The following IQGAP1 variants were observed in gnomAD, a reference collection of about 807,000 sequenced individuals.
The protein encoded by IQGAP1 is ras GTPase-activating-like protein IQGAP1.
In IQGAP1, 66 loss-of-function variants were observed where a neutral mutation model predicts 215.6. The observed-to-expected ratio is 0.31, with a 90% CI of 0.25 to 0.38. The LOEUF is 0.38. IQGAP1 is among the 10% of genes least tolerant of loss of function. IQGAP1 has a pLI of 1.00. For missense variants in IQGAP1, 1,712 were observed against 1,997.1 expected (o/e 0.86, Z 2.72); for synonymous variants, 772 against 728.7 (o/e 1.06, Z -0.96).
At position 90,404,154 on chromosome 15, in the gene IQGAP1, G is replaced by C. The variant is rs754351578; in HGVS notation, c.155+13281G>C. ...TGTGCATGTATGAGTATTCTTGCAGGATAAATTTCTAAAAGTGTAATTTCT... is the reference window on the plus strand; with the variant it reads ...TGTGCATGTATGAGTATTCTTGCAGCATAAATTTCTAAAAGTGTAATTTCT... On this transcript the variant is annotated intron_variant, in intron 2 of 37. Transcript: ENST00000268182. Among the ~76,000 whole-genome samples the C allele has an allele frequency of 3.1e-4, 47 of 152,182 alleles. 1 individual carries two copies. The highest frequency in any genetic ancestry group is 1.9e-4 in the East Asian group (1 of 5,200).
chr15:90,459,806 A>G lies in IQGAP1; in HGVS notation c.1776+3491A>G, dbSNP rs1222748246. The stretch of plus-strand genomic sequence containing the variant: ...TTAAAAATATTTATCACTGAGTTAC[A>G]AATTTAGAGAGCAAAAGATCTTAAT... On this transcript the variant is annotated intron_variant, in intron 15 of 37. Transcript: ENST00000268182. 2.0e-4 allele frequency among the ~76,000 whole-genome samples: 31 copies of G among 152,182 alleles called. 1 individual carries two copies.
intron 2 of IQGAP1, 116 bp downstream of exon 2, chr15:90,390,989 G>A (rs934264688): frequency 2.9e-6 from 2 of 686,684 alleles, no homozygotes; most frequent in Non-Finnish European, 2.6e-6. Flanking sequence ...ATCCCAACAC[G>A]TTGGGAGGCC....
chr15:90,474,813 G>C (rs1217140547), intron 23 of IQGAP1, 120 bp downstream of exon 23: 1 of 717,798 alleles, frequency 1.4e-6, no homozygotes, highest in East Asian at 2.6e-5. Context: ...ACTGCCATAA[G>C]AGCTTTTTTT....
At chr15:90,388,469 G>C in intron 1 of IQGAP1, 73 bp downstream of exon 1, 2 of 1,315,992 alleles carry the variant, frequency 1.5e-6, no homozygotes, top group South Asian at 2.9e-5. Context: ...TTTCCTGGGG[G>C]CTCGGCCGGG....
At chr15:90,475,190 C>T (rs569022650) in intron 23 of IQGAP1, among the ~76,000 whole-genome samples, 3 of 151,966 alleles carry the variant, frequency 2.0e-5, no homozygotes, top group African/African-American at 7.2e-5. Context: ...CTGGAGATGG[C>T]GTTTCGCCAT....
intron 37 of IQGAP1, among the ~76,000 whole-genome samples, chr15:90,498,641 G>A (rs1304294834): frequency 1.3e-5 from 2 of 151,912 alleles, no homozygotes; most frequent in East Asian, 1.9e-4. Flanking sequence ...TTGAACTTGT[G>A]GGGTCCTTTC....
chr15:90,388,584 C>T (rs1263127776), intron 1 of IQGAP1, among the ~76,000 whole-genome samples, 188 bp downstream of exon 1: 1 of 152,046 alleles, frequency 6.6e-6, no homozygotes, highest in Non-Finnish European at 1.5e-5. Context: ...CCCTCGGGGT[C>T]CGAGGCGGCG....
chr15:90,497,470 CG>C, intron 37 of IQGAP1, 130 bp downstream of exon 37: 1 of 584,974 alleles, frequency 1.7e-6, no homozygotes, highest in South Asian at 2.3e-5. Flanking sequence ...CTCCACACTG[CG>C]GGGAAAGAAG....
At chr15:90,458,650 A>G (rs1965720110) in intron 15 of IQGAP1, among the ~76,000 whole-genome samples, 1 of 152,248 alleles carries the variant, frequency 6.6e-6, no homozygotes, top group Non-Finnish European at 1.5e-5. Flanking sequence ...ATGACCAGCC[A>G]AGTTTGGGAA....
intron 8 of IQGAP1, among the ~76,000 whole-genome samples, chr15:90,442,877 C>G (rs1965471518): frequency 6.6e-6 from 1 of 152,078 alleles, no homozygotes; most frequent in African/African-American, 2.4e-5. Flanking sequence ...GAGGCTGAAG[C>G]AAGAGAATCA....
rs1027248442 is a variant in IQGAP1 at position 90,466,344 on chromosome 15, C to G, written c.1943C>G (p.Ser648Cys). ...DVGKTLSALR[S>C]PDVGLYGVIP... The stretch of plus-strand genomic sequence containing the variant: ...GGCAAAACACTGAGTGCCCTTCGCT[C>G]CCCTGATGTTGGCTTGTATGGAGTC... The change falls in exon 17 of 38, where the codon TCC becomes TGC. Residue 648 changes from serine (S) to cysteine (C), a missense_variant. Ser to Cys is a moderately radical substitution (Grantham distance 112). This residue lies in a region of IQGAP1 where 1,021 missense variants were observed against 1,074.2 expected (regional missense o/e 0.95). Coordinates refer to ENST00000268182, the MANE Select transcript of IQGAP1 (RefSeq NM_003870.4). The G allele has an allele frequency of 6.2e-7, 1 of 1,613,992 alleles. No homozygotes were observed. Among genetic ancestry groups the G allele is most frequent in the East Asian group, 2.2e-5 (1 of 44,898 alleles).
intron 2 of IQGAP1, among the ~76,000 whole-genome samples, chr15:90,394,248 C>A (rs899918547): frequency 6.7e-6 from 1 of 149,934 alleles, no homozygotes; most frequent in African/African-American, 2.5e-5. Flanking sequence ...GCACACCCTG[C>A]CCATTGGCCT....
At chr15:90,423,206 A>C (rs761937028) in intron 2 of IQGAP1, among the ~76,000 whole-genome samples, 1 of 152,234 alleles carries the variant, frequency 6.6e-6, no homozygotes, top group East Asian at 1.9e-4. Context: ...AAATGTTAAC[A>C]TGGCACTTTA....
intron 15 of IQGAP1, among the ~76,000 whole-genome samples, chr15:90,458,736 G>A (rs9646228): frequency 0.023 from 3,442 of 152,226 alleles, 132 homozygotes; most frequent in African/African-American, 0.078. Flanking sequence ...CTTCTTATCC[G>A]AGTAAGTAAA....
At chr15:90,396,477 C>G (rs1964721405) in intron 2 of IQGAP1, among the ~76,000 whole-genome samples, 1 of 152,128 alleles carries the variant, frequency 6.6e-6, no homozygotes, top group South Asian at 2.1e-4. Context: ...CTAGTTATCT[C>G]ATGAGACCCA....
rs769344033 is a variant in IQGAP1 at position 90,487,083 on chromosome 15, T to C, written c.4154T>C (p.Leu1385Ser). The change falls in exon 32 of 38, where the codon TTA (leucine) becomes TCA (serine). Residue 1385 changes from leucine to serine, a missense_variant. Transcript: ENST00000268182. ...GCAGAAATGGATGCTCGAACCATCTTACTGAAGTGAGTATCAAAAGAAGGA... is the reference window on the plus strand; with the variant it reads ...GCAGAAATGGATGCTCGAACCATCTCACTGAAGTGAGTATCAAAAGAAGGA... ...ENAEMDARTI[L>S]LNTKRLIVDV... 1 of 1,614,056 alleles carries C rather than the reference T, an allele frequency of 6.2e-7. No homozygotes were observed. The highest frequency in any genetic ancestry group is 2.2e-5 in the East Asian group (1 of 44,892).
At chr15:90,476,619 A>G in intron 23 of IQGAP1, 44 bp from the exon 24 acceptor site, 1 of 1,475,806 alleles carries the variant, frequency 6.8e-7, no homozygotes, top group Non-Finnish European at 9.1e-7. Flanking sequence ...CCAGAGGTTC[A>G]TCTTTGAAAG....
intron 2 of IQGAP1, among the ~76,000 whole-genome samples, chr15:90,409,231 T>G (rs1171259197): frequency 6.8e-6 from 1 of 146,990 alleles, no homozygotes; most frequent in Non-Finnish European, 1.5e-5. Flanking sequence ...ATTTCCTATA[T>G]TCACTTTTTT....
intron 11 of IQGAP1, 72 bp from the exon 12 acceptor site, chr15:90,452,703 T>G: frequency 6.7e-7 from 1 of 1,495,172 alleles, no homozygotes; most frequent in Non-Finnish European, 9.1e-7. Context: ...ATTTTTCCCA[T>G]GAAGATTGGC....
Sources: gnomAD v4.1 joint callset for allele counts (sites outside exome capture counted in the v4.1 genomes callset) on GRCh38, gnomAD v4.1.1 for gene constraint, gnomAD v4.1.1 regional missense constraint, MANE v1.5 for transcripts, NCBI Gene and HGNC (gene_info 2026-07-23, HGNC 2026-07-21) for gene names.